UNC5C: variants seen among roughly 807,000 people sequenced by gnomAD.
UNC5C encodes netrin receptor UNC5C.
In UNC5C, 47 loss-of-function variants were observed where a neutral mutation model predicts 99.8. The ratio of observed to expected loss-of-function variants is 0.47; its 90% CI spans 0.37 to 0.60. The LOEUF is 0.60. UNC5C is among the 20% of genes least tolerant of loss of function. The probability of loss-of-function intolerance (pLI) is 0.00; values close to 1 mark genes in which losing one functional copy is unlikely to be tolerated. For missense variants in UNC5C, 1,062 were observed against 1,165.9 expected (o/e 0.91, Z 1.30); for synonymous variants, 487 against 452.2 (o/e 1.08, Z -0.98).
intron 1 of UNC5C, among the ~76,000 whole-genome samples, chr4:95,508,723 A>C (rs1721991279): frequency 6.6e-6 from 1 of 151,948 alleles, no homozygotes; most frequent in South Asian, 2.1e-4. Flanking sequence ...GTTTCTAGAA[A>C]AAGGAATCCT....
intron 14 of UNC5C, among the ~76,000 whole-genome samples, chr4:95,177,386 A>G (rs1201670422): frequency 6.9e-6 from 1 of 144,376 alleles, no homozygotes; most frequent in African/African-American, 2.6e-5. Context: ...CAGGGGCTCA[A>G]CACCACCATC....
rs766433438 is a variant in UNC5C at position 95,182,986 on chromosome 4, G to A, written c.2362C>T (p.Leu788=). The A allele has an allele frequency of 1.9e-6, 3 of 1,613,580 alleles. No homozygotes were observed. Among genetic ancestry groups the A allele is most frequent in the African/African-American group, 2.7e-5 (2 of 74,898 alleles). The change falls in exon 14 of 16, where the codon CTG becomes TTG. Residue 788 remains leucine (L), a synonymous_variant. Transcript: ENST00000453304. ...TTGCAAACCAGCTCCACTGTGTTCA[G>A]GCTAAATCTTTCCAGAGTGAAGGTG... is the stretch of plus-strand genomic sequence containing the variant. The part of the protein sequence containing the change: ...HCTFTLERFS[L]NTVELVCKLC...
At chr4:95,309,634 C>G (rs757516735) in intron 2 of UNC5C, among the ~76,000 whole-genome samples, 10 of 152,038 alleles carry the variant, frequency 6.6e-5, no homozygotes, top group Non-Finnish European at 1.3e-4. Flanking sequence ...CCAAAAGACA[C>G]GTTTCAAAAG....
intron 7 of UNC5C, among the ~76,000 whole-genome samples, chr4:95,236,628 T>C (rs1356109838): frequency 6.6e-6 from 1 of 151,278 alleles, no homozygotes; most frequent in Non-Finnish European, 1.5e-5. Flanking sequence ...AGAAAGCATA[T>C]AGAAAAAGAA....
chr4:95,317,604 G>A (rs1019705903), intron 2 of UNC5C, among the ~76,000 whole-genome samples: 1 of 152,172 alleles, frequency 6.6e-6, no homozygotes, highest in African/African-American at 2.4e-5. Flanking sequence ...GCAGGGGCTG[G>A]CAAGGATGCT....
intron 2 of UNC5C, among the ~76,000 whole-genome samples, chr4:95,322,869 T>C (rs911741946): frequency 5.4e-5 from 8 of 146,970 alleles, no homozygotes; most frequent in Admixed American, 1.4e-4. Context: ...ACCCAGGAGG[T>C]AGAGATTGCA....
At position 95,548,875 on chromosome 4, in the gene UNC5C, CG is replaced by C; in HGVS notation, c.-19del. The C allele has an allele frequency of 2.5e-6, 4 of 1,599,038 alleles. No individual in the cohort carries two copies. Among genetic ancestry groups the C allele is most frequent in the Non-Finnish European group, 3.4e-6 (4 of 1,171,990 alleles). Reference sequence around the variant, plus strand: ...TTCCTCATCGTAGACAGAGGTGTGCCGGGGGGAGGGGAGGGGGACAGAGAGA... The same window carrying C: ...TTCCTCATCGTAGACAGAGGTGTGCCGGGGGAGGGGAGGGGGACAGAGAGA... On this transcript the variant is annotated 5_prime_UTR_variant, in exon 1 of 16. Transcript: ENST00000453304.
intron 1 of UNC5C, among the ~76,000 whole-genome samples, chr4:95,409,092 A>G (rs1413285638): frequency 6.6e-6 from 1 of 152,216 alleles, no homozygotes; most frequent in African/African-American, 2.4e-5. Flanking sequence ...ATTTCAAGCC[A>G]CTGTCAATGC....
intron 7 of UNC5C, among the ~76,000 whole-genome samples, chr4:95,228,786 C>T (rs1419342110): frequency 6.6e-6 from 1 of 152,170 alleles, no homozygotes; most frequent in Non-Finnish European, 1.5e-5. Context: ...AAATATCTCT[C>T]CATTTGAAAT....
chr4:95,236,952 CT>C (rs1739142918), intron 7 of UNC5C, among the ~76,000 whole-genome samples: 2 of 152,168 alleles, frequency 1.3e-5, no homozygotes, highest in South Asian at 4.1e-4. Flanking sequence ...AGAACCACCC[CT>C]GACCATCGAC....
chr4:95,515,453 T>C (rs1294692110), intron 1 of UNC5C, among the ~76,000 whole-genome samples: 2 of 152,220 alleles, frequency 1.3e-5, no homozygotes, highest in Admixed American at 1.3e-4. Flanking sequence ...GGCAGAATTC[T>C]TAATTAGTAT....
chr4:95,315,016 G>A (rs898731303), intron 2 of UNC5C, among the ~76,000 whole-genome samples: 1 of 152,048 alleles, frequency 6.6e-6, no homozygotes, highest in Non-Finnish European at 1.5e-5. Flanking sequence ...AGAATTAATG[G>A]AAATCCGTCT....
chr4:95,459,057 C>T (rs1349472538), intron 1 of UNC5C, among the ~76,000 whole-genome samples: 1 of 151,912 alleles, frequency 6.6e-6, no homozygotes, highest in Non-Finnish European at 1.5e-5. Flanking sequence ...CCCTGTTATC[C>T]TTTTAGGAAT....
intron 10 of UNC5C, among the ~76,000 whole-genome samples, chr4:95,208,994 A>G (rs2162448): frequency 0.075 from 11,431 of 152,230 alleles, 620 homozygotes; most frequent in African/African-American, 0.16. Context: ...ATGTTTATGC[A>G]TGGATGTTTG....
chr4:95,271,915 C>T (rs917776585), intron 4 of UNC5C, among the ~76,000 whole-genome samples: 3 of 152,156 alleles, frequency 2.0e-5, no homozygotes, highest in Non-Finnish European at 2.9e-5. Flanking sequence ...ACACACTGGC[C>T]TCCTTTTTAA....
intron 1 of UNC5C, among the ~76,000 whole-genome samples, chr4:95,431,751 A>T (rs764817425): frequency 2.6e-5 from 4 of 152,128 alleles, no homozygotes; most frequent in Admixed American, 6.6e-5. Context: ...GTGTGTATTC[A>T]AGAGAAGTAC....
chr4:95,413,580 A>G (rs1578149318), intron 1 of UNC5C, among the ~76,000 whole-genome samples: 10 of 152,348 alleles, frequency 6.6e-5, no homozygotes. Flanking sequence ...AACTGAATTC[A>G]TCTTCCCAGT....
At chr4:95,332,429 T>A (rs1743152122) in intron 2 of UNC5C, among the ~76,000 whole-genome samples, 1 of 145,614 alleles carries the variant, frequency 6.9e-6, no homozygotes, top group African/African-American at 2.5e-5. Context: ...TATCTACAAC[T>A]ATCTGATCTT....
At chr4:95,327,920 C>A (rs1742950596) in intron 2 of UNC5C, among the ~76,000 whole-genome samples, 1 of 151,550 alleles carries the variant, frequency 6.6e-6, no homozygotes, top group African/African-American at 2.4e-5. Context: ...CCCAAAAAGG[C>A]TGTCACACTG....
Sources: allele counts gnomAD v4.1 joint callset (sites outside exome capture counted in the v4.1 genomes callset), GRCh38; gene constraint gnomAD v4.1.1; transcripts MANE v1.5; gene names NCBI Gene and HGNC (gene_info 2026-07-23, HGNC 2026-07-21).